HERC3: variants seen among roughly 807,000 people sequenced by gnomAD.
The protein encoded by HERC3 is probable E3 ubiquitin-protein ligase HERC3.
Under a neutral mutation model 129.9 loss-of-function variants are expected in HERC3, and 58 were observed. The ratio of observed to expected loss-of-function variants is 0.45; its 90% CI spans 0.36 to 0.56. HERC3 has a LOEUF of 0.56. HERC3 is among the 20% of genes least tolerant of loss of function. The pLI, the probability that HERC3 is intolerant of heterozygous loss-of-function variation, is 0.00. For missense variants in HERC3, 835 were observed against 1,244.2 expected (o/e 0.67, Z 4.95); for synonymous variants, 430 against 451.0 (o/e 0.95, Z 0.59).
chr4:88,674,342 A>G (rs770300513), intron 16 of HERC3, among the ~76,000 whole-genome samples: 6 of 152,332 alleles, frequency 3.9e-5, no homozygotes, highest in Non-Finnish European at 8.8e-5. Context: ...GCATTACACC[A>G]ACTAAAATGT....
chr4:88,696,812 T>G, intron 23 of HERC3: 1 of 176,392 alleles, frequency 5.7e-6, no homozygotes, highest in Non-Finnish European at 1.2e-5. Context: ...AATTAAGCAC[T>G]GAGAACGTGT....
chr4:88,588,260 G>A (rs1394605805), upstream of HERC3, among the ~76,000 whole-genome samples: 1 of 152,178 alleles, frequency 6.6e-6, no homozygotes, highest in East Asian at 1.9e-4. Context: ...AGTACTACAG[G>A]TGGAACATAT....
At chr4:88,648,872 A>T (rs1225595616) in intron 3 of HERC3, among the ~76,000 whole-genome samples, 1 of 144,172 alleles carries the variant, frequency 6.9e-6, no homozygotes. Context: ...AAATCTCTTC[A>T]TTTCTAACTT....
At chr4:88,541,567 G>A in the HERC3 span, among the ~76,000 whole-genome samples, 2 of 152,176 alleles carry the variant, frequency 1.3e-5, no homozygotes, top group Non-Finnish European at 2.9e-5. Flanking sequence ...TTCAGGACTT[G>A]AACTCAGCTC....
the HERC3 span, among the ~76,000 whole-genome samples, chr4:88,580,800 G>A: frequency 2.6e-5 from 4 of 152,168 alleles, no homozygotes; most frequent in East Asian, 1.9e-4. Context: ...ATTTGGGTAT[G>A]AATGAATTTA....
chr4:88,605,393 G>T (rs187023365), intron 2 of HERC3, among the ~76,000 whole-genome samples: 177 of 152,216 alleles, frequency 1.2e-3, no homozygotes, highest in African/African-American at 3.3e-3. Flanking sequence ...TAAATAAGCA[G>T]AAAATTCAAA....
chr4:88,681,449 A>ATGTGTG, intron 21 of HERC3, 124 bp downstream of exon 21: 1 of 787,176 alleles, frequency 1.3e-6, no homozygotes, highest in Non-Finnish European at 2.0e-6. Context: ...AGACCCTGTT[A>ATGTGTG]TGTGTGTTTT....
chr4:88,668,408 C>T, intron 14 of HERC3: 1 of 271,694 alleles, frequency 3.7e-6, no homozygotes, highest in Non-Finnish European at 7.0e-6. Flanking sequence ...TGGTCTTTCT[C>T]CTATGTCTAA....
In HERC3 at chr4:88,639,825, C is replaced by G. The variant is rs1340517200; in HGVS notation, c.227-10015C>G. ...TACAAAATGGAAGAAAATATTTGCA[C>G]TCTACCCATCTGACAAAGGTCTAAT... On this transcript the variant is annotated intron_variant, in intron 3 of 25. Transcript: ENST00000402738. Among the ~76,000 whole-genome samples the G allele has an allele frequency of 2.0e-5, 3 of 152,064 alleles. 1 individual carries two copies. In the South Asian group the frequency reaches 6.2e-4, roughly 31 times the overall value.
Position 88,699,338 on chromosome 4 carries a change from CCCCACCCTCTTCTTCCCCACCCTG to C in HERC3, c.2658-4753_2658-4730del, listed in dbSNP as rs1428056263. Among the ~76,000 whole-genome samples, 338 of 40,686 alleles carry C rather than the reference CCCCACCCTCTTCTTCCCCACCCTG, an allele frequency of 8.3e-3. 2 individuals carry two copies. The highest frequency in any genetic ancestry group is 0.039 in the Middle Eastern group (3 of 76). The allele number at this position is 40,686 out of a possible 152,430, so 26.7% of individuals were successfully genotyped here. On this transcript the variant is annotated intron_variant, in intron 23 of 25. Transcript: ENST00000402738. ...TCTTCCTCCCCACCCACCCACGCAG[CCCCACCCTCTTCTTCCCCACCCTG>C]CCCACCATCTTCTTCCCCACGATCT...
intron 7 of HERC3, among the ~76,000 whole-genome samples, chr4:88,654,388 A>ACG (rs1729652463): frequency 9.6e-6 from 1 of 103,998 alleles, no homozygotes; most frequent in Non-Finnish European, 2.2e-5. Context: ...ATATATATAT[A>ACG]CACACACACA....
intron 3 of HERC3, among the ~76,000 whole-genome samples, chr4:88,622,773 A>G (rs771419581): frequency 6.6e-6 from 1 of 152,114 alleles, no homozygotes; most frequent in Non-Finnish European, 1.5e-5. Flanking sequence ...TACTAAAAAT[A>G]CAAAAATTAG....
In HERC3 at chr4:88,603,181, A is replaced by G. The variant is rs531346808; in HGVS notation, c.-29-2614A>G. 1.6e-3 allele frequency among the ~76,000 whole-genome samples: 234 copies of G among 147,292 alleles called. 2 individuals are homozygous for G. The highest frequency in any genetic ancestry group is 2.6e-3 in the Admixed American group (38 of 14,770). On this transcript the variant is annotated intron_variant, in intron 2 of 25. Transcript: ENST00000402738. The stretch of plus-strand genomic sequence containing the variant: ...GGCCAGGTTCCAAACTTGCAGCCAT[A>G]TTACAGGCTTCAATCGCTTTCTCTT...
At position 88,697,617 on chromosome 4, in the gene HERC3, G is replaced by T. The variant is rs546469739; in HGVS notation, c.2658-6481G>T. 2.5e-6 allele frequency: 4 copies of T among 1,609,128 alleles called. No individual in the cohort carries two copies. The East Asian group carries it at 6.7e-5, about 27-fold the overall frequency. On this transcript the variant is annotated intron_variant, in intron 23 of 25. Transcript: ENST00000402738. ...GCTCCTCAGCCATCTGACCAGCCGC[G>T]CTGTCAGGGTCACCAGCCGCGCTGT... is the stretch of plus-strand genomic sequence containing the variant.
intron 3 of HERC3, among the ~76,000 whole-genome samples, chr4:88,639,499 A>G (rs545346871): frequency 1.1e-4 from 17 of 152,348 alleles, no homozygotes; most frequent in African/African-American, 3.8e-4. Context: ...AGGATTTTCT[A>G]TTTAATAAAT....
At chr4:88,585,830 TAGAAG>T in the HERC3 span, among the ~76,000 whole-genome samples, 1 of 152,120 alleles carries the variant, frequency 6.6e-6, no homozygotes, top group African/African-American at 2.4e-5. Flanking sequence ...TTTACTTAAC[TAGAAG>T]ATTTTAACAT....
chr4:88,604,726 T>A (rs1723426306), intron 2 of HERC3, among the ~76,000 whole-genome samples: 1 of 152,258 alleles, frequency 6.6e-6, no homozygotes, highest in South Asian at 2.1e-4. Flanking sequence ...TGAACATTCC[T>A]TTATAAGTTT....
At chr4:88,567,263 G>A in the HERC3 span, among the ~76,000 whole-genome samples, 2 of 152,010 alleles carry the variant, frequency 1.3e-5, no homozygotes, top group Non-Finnish European at 2.9e-5. Context: ...TAAATGCCTT[G>A]AGGTAGTCTT....
intron 4 of HERC3, among the ~76,000 whole-genome samples, chr4:88,651,439 C>T (rs1351764743): frequency 6.6e-6 from 1 of 152,124 alleles, no homozygotes; most frequent in Non-Finnish European, 1.5e-5. Context: ...AGGTGAATGA[C>T]CTTGGGCAGG....
Sources: allele counts gnomAD v4.1 joint callset (sites outside exome capture counted in the v4.1 genomes callset), GRCh38; gene constraint gnomAD v4.1.1; transcripts MANE v1.5; gene names NCBI Gene and HGNC (gene_info 2026-07-23, HGNC 2026-07-21).